The following RBCK1 variants were observed in gnomAD, a reference collection of about 807,000 sequenced individuals.
RBCK1 encodes RANBP2-type and C3HC4-type zinc finger containing 1, also known as ranBP-type and C3HC4-type zinc finger-containing protein 1.
RBCK1 carries 44 observed loss-of-function variants against 71.1 expected under a neutral mutation model. The observed-to-expected ratio is 0.62, with a 90% CI of 0.49 to 0.80. The LOEUF (loss-of-function observed/expected upper bound fraction) is 0.80. RBCK1 is among the 30% of genes least tolerant of loss of function. The pLI is 0.00. For missense variants in RBCK1, 569 were observed against 685.0 expected (o/e 0.83, Z 1.89); for synonymous variants, 306 against 279.7 (o/e 1.09, Z -0.94).
Position 417,215 on chromosome 20 carries a change from C to T in RBCK1, c.168-311C>T, listed in dbSNP as rs750479524. 3.5e-6 allele frequency: 2 copies of T among 577,252 alleles called. No homozygotes were observed. Among genetic ancestry groups the T allele is most frequent in the African/African-American group, 1.8e-5 (1 of 54,150 alleles). The allele number at this position is 577,252 out of a possible 1,614,324, so 35.8% of individuals were successfully genotyped here. On this transcript the variant is annotated intron_variant, in intron 2 of 11. Coordinates refer to ENST00000356286, the MANE Select transcript of RBCK1 (RefSeq NM_031229.4). The surrounding 1 kb of genome is among the most constrained non-coding windows in gnomAD (Gnocchi z 4.7). ...TTAACAACAACTTCTGGTGGTTTCA[C>T]TAAGGAGCAGGGGAGAGAAGACAGA...
chr20:412,093 C>T (rs2122187623), intron 2 of RBCK1, among the ~76,000 whole-genome samples: 1 of 152,246 alleles, frequency 6.6e-6, no homozygotes, highest in South Asian at 2.1e-4. Flanking sequence ...TTTTACATTC[C>T]CACCAGCATA....
At chr20:411,225 T>C (rs2015686644) in intron 2 of RBCK1, among the ~76,000 whole-genome samples, 1 of 152,214 alleles carries the variant, frequency 6.6e-6, no homozygotes, top group Non-Finnish European at 1.5e-5. Flanking sequence ...CCTTTTTTTT[T>C]TTGACATGGG....
Position 429,110 on chromosome 20 carries a change from T to C in RBCK1, c.1452+16T>C. On this transcript the variant is annotated intron_variant, in intron 11 of 11. Coordinates refer to ENST00000356286, the MANE Select transcript of RBCK1 (RefSeq NM_031229.4). ...GGGCCCTGGGGTGAGTCTTTGCTCG[T>C]GGTGGTGTGGAGAGGGTGCCCTTGT... 1 of 1,604,480 alleles carries C rather than the reference T, an allele frequency of 6.2e-7. No individual in the cohort carries two copies. The highest frequency in any genetic ancestry group is 8.5e-7 in the Non-Finnish European group (1 of 1,174,942).
chr20:419,707 G>T lies in RBCK1; in HGVS notation c.732G>T (p.Glu244Asp), dbSNP rs1319218096. The T allele has an allele frequency of 1.9e-5, 29 of 1,566,716 alleles. No individual in the cohort carries two copies. The highest frequency in any genetic ancestry group is 2.7e-5 in the African/African-American group (2 of 74,134). The change falls in exon 6 of 12, where the codon GAG (glutamate) becomes GAT (aspartate). Residue 244 changes from glutamate to aspartate, a missense_variant. By Grantham distance (45) the Glu-to-Asp change is conservative (BLOSUM62 2). This residue lies in a region of RBCK1 where 358 missense variants were observed against 375.6 expected (regional missense o/e 0.95). Transcript: ENST00000356286. ...AGCGAGCGCGCCTGGCGGGCGAGGA[G>T]GAGGCGCTGCGTCAGTACCAGCAGG... ...EEERARLAGE[E>D]EALRQYQQRK...
At chr20:410,628 G>A in intron 2 of RBCK1, 1 of 761,218 alleles carries the variant, frequency 1.3e-6, no homozygotes, top group East Asian at 2.4e-5. Context: ...AGAATTCAGG[G>A]GTTCGCTTGG....
chr20:425,861 G>A (rs964173351), intron 8 of RBCK1, among the ~76,000 whole-genome samples: 6 of 151,910 alleles, frequency 3.9e-5, no homozygotes, highest in Admixed American at 1.3e-4. Context: ...TCCTGACCTC[G>A]TGATGCGCCC....
chr20:422,112 C>T lies in RBCK1; in HGVS notation c.918-15C>T. 1 of 1,600,314 alleles carries T rather than the reference C, an allele frequency of 6.2e-7. No individual in the cohort carries two copies. Among genetic ancestry groups the T allele is most frequent in the Non-Finnish European group, 8.5e-7 (1 of 1,171,428 alleles). On this transcript the variant is annotated splice_polypyrimidine_tract_variant and intron_variant, in intron 7 of 11. Transcript: ENST00000356286. The surrounding 1 kb of genome is among the most constrained non-coding windows in gnomAD (Gnocchi z 5.0). ...GTTCCTATGATCCTAACTCTTTTCC[C>T]CTCCCCTCCCCTAGGGAGTGCCTGC...
chr20:419,368 C>G lies in RBCK1; in HGVS notation c.482C>G (p.Thr161Arg), dbSNP rs766841580. ...MLEDLGFKDL[T>R]LQPRGPLEPG... The stretch of plus-strand genomic sequence containing the variant: ...ACAGATCTGGGCTTCAAGGACCTCA[C>G]GCTGCAGCCGCGGGGCCCTCTGGAG... Residue 161 changes from threonine (T) to arginine (R), a missense_variant, in exon 5 of 12, where the codon ACG (threonine) becomes AGG (arginine). Physicochemically the swap from Thr to Arg is moderately conservative, Grantham distance 71 (BLOSUM62 -1). Coordinates refer to ENST00000356286, the MANE Select transcript of RBCK1 (RefSeq NM_031229.4). 2 of 1,612,352 alleles carry G rather than the reference C, an allele frequency of 1.2e-6. No homozygotes were observed. The highest frequency in any genetic ancestry group is 8.5e-7 in the Non-Finnish European group (1 of 1,179,802).
At chr20:429,531 TCTTTA>T (rs1230063932) in intron 11 of RBCK1, among the ~76,000 whole-genome samples, 1 of 152,208 alleles carries the variant, frequency 6.6e-6, no homozygotes. Context: ...GCAAGAATGT[TCTTTA>T]CATCTTTAAA....
intron 4 of RBCK1, among the ~76,000 whole-genome samples, chr20:418,611 G>T (rs548692022): frequency 2.0e-5 from 3 of 151,976 alleles, no homozygotes; most frequent in South Asian, 2.1e-4. Flanking sequence ...TTTGTGATCC[G>T]CCCGCCTCGG....
chr20:428,733 G>A lies in RBCK1; in HGVS notation c.1308+144G>A, dbSNP rs976334775. On this transcript the variant is annotated intron_variant, in intron 10 of 11. Transcript: ENST00000356286. The surrounding 1 kb of genome is among the most constrained non-coding windows in gnomAD (Gnocchi z 5.7). ...GGCTGTCACTCCCATCCGGAGGTGG[G>A]ACTTAGGCCGAATGGTCATGTCAGG... 2.3e-5 allele frequency: 32 copies of A among 1,379,138 alleles called. No homozygotes were observed. Among genetic ancestry groups the A allele is most frequent in the Non-Finnish European group, 3.0e-5 (31 of 1,037,420 alleles). 85.4% of individuals were successfully genotyped at this position (1,379,138 alleles called of 1,614,324 possible).
At chr20:420,207 C>T (rs2016299622) in intron 6 of RBCK1, 1 of 985,110 alleles carries the variant, frequency 1.0e-6, no homozygotes. Flanking sequence ...CCACCCCTGA[C>T]TTCCTGAGAG....
chr20:420,117 TGTGACCTAAGCCTGCTCCACCTCGCC>T (rs2016293170), intron 6 of RBCK1: 52 of 984,838 alleles, frequency 5.3e-5, no homozygotes, highest in South Asian at 3.8e-4. Context: ...CCCACCCGTC[TGTGACCTAAGCCTGCTCCACCTCGCC>T]GTGACCTCAC....
Position 419,560 on chromosome 20 carries a change from G to A in RBCK1, c.585G>A (p.Val195=). The stretch of plus-strand genomic sequence containing the variant: ...CTCACAGCACCCTCTGCTCCCAGGT[G>A]GGCTGGCAGTGCCCCGGGTGCACCT... ...QPDAVPEPPP[V]GWQCPGCTFI... Residue 195 remains valine (V), a splice_region_variant and synonymous_variant, in exon 6 of 12, where the codon GTG becomes GTA. Coordinates refer to ENST00000356286, the MANE Select transcript of RBCK1 (RefSeq NM_031229.4). 6.2e-7 allele frequency: 1 copy of A among 1,606,468 alleles called. No individual in the cohort carries two copies. Among genetic ancestry groups the A allele is most frequent in the Non-Finnish European group, 8.5e-7 (1 of 1,176,800 alleles).
intron 4 of RBCK1, among the ~76,000 whole-genome samples, chr20:418,503 G>A (rs112275709): frequency 6.6e-6 from 1 of 152,086 alleles, no homozygotes; most frequent in Non-Finnish European, 1.5e-5. Context: ...GGAGTAGCTG[G>A]GACTACAGGC....
intron 4 of RBCK1, among the ~76,000 whole-genome samples, chr20:418,525 C>G (rs542289782): frequency 6.6e-6 from 1 of 152,112 alleles, no homozygotes; most frequent in African/African-American, 2.4e-5. Context: ...CCCGCCACCA[C>G]GCCCGGCTAA....
rs1207671822 is a variant in RBCK1 at position 421,025 on chromosome 20, T to C, written c.911T>C (p.Phe304Ser). 6.4e-7 allele frequency: 1 copy of C among 1,553,716 alleles called. No homozygotes were observed. The highest frequency in any genetic ancestry group is 8.7e-7 in the Non-Finnish European group (1 of 1,148,192). ...AVVLRECLHT[F>S]CRECLQGTIR... The stretch of plus-strand genomic sequence containing the variant: ...GTGCTGCGTGAGTGTCTGCACACCT[T>C]CTGCAGGTGCGGCCCCCAGTCCCAC... The change falls in exon 7 of 12, where the codon TTC becomes TCC. Residue 304 changes from phenylalanine (F) to serine (S), a missense_variant. Phe to Ser is a radical substitution (Grantham distance 155). This residue lies in a region of RBCK1 where 211 missense variants were observed against 309.4 expected (regional missense o/e 0.68). Coordinates refer to ENST00000356286, the MANE Select transcript of RBCK1 (RefSeq NM_031229.4).
At chr20:409,482 T>C (rs1484724621) in intron 1 of RBCK1, among the ~76,000 whole-genome samples, 1 of 152,028 alleles carries the variant, frequency 6.6e-6, no homozygotes, top group African/African-American at 2.4e-5. Context: ...TTTTTTTTCT[T>C]GTTAAACTTG....
intron 6 of RBCK1, chr20:420,549 C>T: frequency 2.0e-6 from 2 of 983,724 alleles, no homozygotes; most frequent in Non-Finnish European, 2.4e-6. Flanking sequence ...ACCTTGCTGC[C>T]ATTGCTGTCT....
Sources: allele counts gnomAD v4.1 joint callset (sites outside exome capture counted in the v4.1 genomes callset), GRCh38; gene constraint gnomAD v4.1.1; regional missense constraint gnomAD v4.1.1; non-coding constraint Gnocchi (gnomAD v3.1); transcripts MANE v1.5; gene names NCBI Gene and HGNC (gene_info 2026-07-23, HGNC 2026-07-21).